DNHD1: variants seen among roughly 807,000 people sequenced by gnomAD.
DNHD1 encodes the protein dynein heavy chain domain-containing protein 1.
DNHD1 carries 383 observed loss-of-function variants against 458.1 expected under a neutral mutation model. That is an observed-to-expected ratio of 0.84 (90% CI 0.77 to 0.91). The LOEUF (loss-of-function observed/expected upper bound fraction) is 0.91, where lower values mean the gene tolerates loss of function less well. Ranked by LOEUF, DNHD1 falls within the 40% of genes least tolerant of loss-of-function variation. The pLI is 0.00. For synonymous variants in DNHD1, 2,203 were observed against 2,376.9 expected (o/e 0.93, Z 2.13); for missense variants, 5,336 against 5,866.1 (o/e 0.91, Z 2.95).
intron 4 of DNHD1, among the ~76,000 whole-genome samples, chr11:6,507,426 A>C (rs1176982348): frequency 6.6e-6 from 1 of 152,246 alleles, no homozygotes; most frequent in African/African-American, 2.4e-5. Context: ...CAGTTAGCAT[A>C]ATGCTATGTT....
At chr11:6,540,365 A>G (rs1853073470) in intron 18 of DNHD1, among the ~76,000 whole-genome samples, 1 of 151,988 alleles carries the variant, frequency 6.6e-6, no homozygotes, top group Non-Finnish European at 1.5e-5. Flanking sequence ...CCTCATAGTC[A>G]GTTATCTACA....
At chr11:6,520,184 T>G (rs1852577271) in intron 9 of DNHD1, 54 bp from the exon 10 acceptor site, 2 of 1,601,316 alleles carry the variant, frequency 1.2e-6, no homozygotes, top group Non-Finnish European at 1.7e-6. Flanking sequence ...CAACCTGGTT[T>G]GAATCCCTCA....
chr11:6,510,153 G>A (rs1474277137), intron 6 of DNHD1, among the ~76,000 whole-genome samples: 1 of 151,456 alleles, frequency 6.6e-6, no homozygotes, highest in Non-Finnish European at 1.5e-5. Context: ...GCGCGATTTC[G>A]GCTCACTGCA....
rs770274244 is a variant in DNHD1 at position 6,519,960 on chromosome 11, T to C, written c.1648-5T>C. ...CTCGACCTTTCCTGACCCTTTTTTT[T>C]ACAGGCCCCAAGGCAGAAACCCTTT... is the stretch of plus-strand genomic sequence containing the variant. On this transcript the variant is annotated splice_polypyrimidine_tract_variant and splice_region_variant and intron_variant, in intron 8 of 42. Coordinates refer to ENST00000254579, the MANE Select transcript of DNHD1 (RefSeq NM_144666.3). 1.5e-5 allele frequency: 25 copies of C among 1,614,140 alleles called. No homozygotes were observed. The highest frequency in any genetic ancestry group is 2.2e-5 in the East Asian group (1 of 44,892).
chr11:6,568,465 C>T lies in DNHD1; in HGVS notation c.12550C>T (p.Leu4184=). Residue 4184 remains leucine (L), a synonymous_variant, in exon 38 of 43, where the codon CTG becomes TTG. Transcript: ENST00000254579. The part of the protein sequence containing the change: ...LLGRAKVVAD[L]ESEQLLDQPE... ...TTGTCTGACTCTAGTGGTTGCAGAC[C>T]TGGAATCAGAACAGCTTTTAGACCA... 6.2e-7 allele frequency: 1 copy of T among 1,613,602 alleles called. No individual in the cohort carries two copies. The highest frequency in any genetic ancestry group is 8.5e-7 in the Non-Finnish European group (1 of 1,179,880).
At chr11:6,500,679 T>C (rs984165758) in intron 3 of DNHD1, among the ~76,000 whole-genome samples, 1 of 152,222 alleles carries the variant, frequency 6.6e-6, no homozygotes, top group Admixed American at 6.5e-5. Context: ...CTCTGAGGTC[T>C]AGCTAATATG....
intron 3 of DNHD1, among the ~76,000 whole-genome samples, chr11:6,501,389 A>G (rs1108588): frequency 0.032 from 4,872 of 151,944 alleles, 267 homozygotes; most frequent in African/African-American, 0.11. Flanking sequence ...CGTAGACTAA[A>G]TGAATAAATA....
Position 6,498,602 on chromosome 11 carries a change from CAT to C in DNHD1, c.388_389del (p.Ile130CysfsTer18). On this transcript the variant is annotated frameshift_variant, in exon 3 of 43. Coordinates refer to ENST00000254579, the MANE Select transcript of DNHD1 (RefSeq NM_144666.3). LOFTEE classifies it high-confidence loss of function. ...THLHLDLLGAIVQAFPPDSSL... is the reference protein window; with the variant it reads ...THLHLDLLGAXVQAFPPDSSL... ...ACCTCCATCTGGACCTGCTAGGTGC[CAT>C]TGTCCAGGCCTTTCCTCCAGACAGC... 1.2e-6 allele frequency: 2 copies of C among 1,614,222 alleles called. No homozygotes were observed. Among genetic ancestry groups the C allele is most frequent in the Non-Finnish European group, 1.7e-6 (2 of 1,180,038 alleles).
intron 14 of DNHD1, among the ~76,000 whole-genome samples, chr11:6,535,086 A>T (rs190578800): frequency 1.3e-5 from 2 of 152,130 alleles, no homozygotes; most frequent in African/African-American, 4.8e-5. Context: ...GATTTACTGA[A>T]TCTCTCTCAC....
intron 6 of DNHD1, among the ~76,000 whole-genome samples, chr11:6,509,864 G>C (rs996714525): frequency 6.6e-6 from 1 of 152,182 alleles, no homozygotes; most frequent in African/African-American, 2.4e-5. Flanking sequence ...GAATGCAGTG[G>C]TTTAGGTGGA....
Position 6,570,043 on chromosome 11 carries a change from C to A in DNHD1, c.12898C>A (p.Gln4300Lys). The change falls in exon 40 of 43, where the codon CAA becomes AAA. Residue 4300 changes from glutamine (Q) to lysine (K), a missense_variant. This residue lies in a region of DNHD1 where 698 missense variants were observed against 664.9 expected (regional missense o/e 1.05). Coordinates refer to ENST00000254579, the MANE Select transcript of DNHD1 (RefSeq NM_144666.3). Reference sequence around the variant, plus strand: ...GACTCTAACCCAGGTTCTTCAGACCCAAGACCAGCTGTGGGCAAGTCTTAG... The same window carrying A: ...GACTCTAACCCAGGTTCTTCAGACCAAAGACCAGCTGTGGGCAAGTCTTAG... The part of the protein sequence containing the change: ...QVTLTQVLQT[Q>K]DQLWASLSNP... 1 of 1,613,898 alleles carries A rather than the reference C, an allele frequency of 6.2e-7. No homozygotes were observed. The highest frequency in any genetic ancestry group is 8.5e-7 in the Non-Finnish European group (1 of 1,179,846).
intron 14 of DNHD1, among the ~76,000 whole-genome samples, chr11:6,534,625 T>C (rs1852903712): frequency 6.6e-6 from 1 of 152,172 alleles, no homozygotes; most frequent in African/African-American, 2.4e-5. Context: ...ACTGAGGGCC[T>C]CACTAATACA....
rs1166085435 is a variant in DNHD1 at position 6,544,857 on chromosome 11, C to T, written c.3918C>T (p.Pro1306=). ...RTLMRISVAD[P]MVLSLVVPSA... is the part of the protein sequence containing the mutation. The stretch of plus-strand genomic sequence containing the variant: ...TGATGCGCATCTCTGTAGCTGACCC[C>T]ATGGTTCTGTCACTTGTAGTGCCCA... The change falls in exon 21 of 43, where the codon CCC becomes CCT. Residue 1306 remains proline, a synonymous_variant. Coordinates refer to ENST00000254579, the MANE Select transcript of DNHD1 (RefSeq NM_144666.3). 3.2e-6 allele frequency: 5 copies of T among 1,551,694 alleles called. No individual in the cohort carries two copies. In the South Asian group the frequency reaches 5.9e-5, roughly 18 times the overall value.
At position 6,557,021 on chromosome 11, in the gene DNHD1, AAT is replaced by A; in HGVS notation, c.7727_7728del (p.Asn2576MetfsTer74). 6.4e-7 allele frequency: 1 copy of A among 1,551,398 alleles called. No homozygotes were observed. Among genetic ancestry groups the A allele is most frequent in the Non-Finnish European group, 8.7e-7 (1 of 1,146,912 alleles). ...ASVEAWEAVC[N>X]CFMPSPLHPH... ...AGTAGAGGCCTGGGAGGCTGTGTGCAATTGCTTCATGCCTTCACCCCTCCACC... is the reference window on the plus strand; with the variant it reads ...AGTAGAGGCCTGGGAGGCTGTGTGCATGCTTCATGCCTTCACCCCTCCACC... On this transcript the variant is annotated frameshift_variant, in exon 25 of 43. Transcript: ENST00000254579. LOFTEE classifies it high-confidence loss of function.
intron 12 of DNHD1, among the ~76,000 whole-genome samples, chr11:6,529,333 C>T (rs1044742108): frequency 1.2e-4 from 18 of 152,216 alleles, no homozygotes; most frequent in Admixed American, 2.0e-4. Flanking sequence ...TGGCTCTGCT[C>T]ATACCCTGTA....
chr11:6,543,264 A>G (rs988388916), intron 18 of DNHD1, among the ~76,000 whole-genome samples: 1 of 152,098 alleles, frequency 6.6e-6, no homozygotes, highest in Non-Finnish European at 1.5e-5. Context: ...TTTTACCCCA[A>G]TTAGTGTCCC....
chr11:6,520,987 A>T, intron 10 of DNHD1: 6 of 500,160 alleles, frequency 1.2e-5, no homozygotes, highest in Non-Finnish European at 1.6e-5. Context: ...AGGTTCACTG[A>T]AAGGAACCTG....
In DNHD1 at chr11:6,544,505, G is replaced by GGGT; in HGVS notation, c.3755-66_3755-64dup. On this transcript the variant is annotated intron_variant, in intron 19 of 42. Coordinates refer to ENST00000254579, the MANE Select transcript of DNHD1 (RefSeq NM_144666.3). ...TGGGGTACCTGAGAGGTCAGGAGCAGGGTGGACTCCCCTGCAGAAGGTAGA... is the reference window on the plus strand; with the variant it reads ...TGGGGTACCTGAGAGGTCAGGAGCAGGGTGGTGGACTCCCCTGCAGAAGGTAGA... 3.8e-6 allele frequency: 5 copies of GGGT among 1,314,614 alleles called. No homozygotes were observed. The South Asian group carries it at 6.5e-5, about 17-fold the overall frequency. 81.4% of individuals were successfully genotyped at this position (1,314,614 alleles called of 1,614,324 possible). A position where few individuals can be genotyped will look rare whatever the true frequency, so the allele number is the denominator to read the frequency against.
intron 28 of DNHD1, among the ~76,000 whole-genome samples, chr11:6,559,655 A>G (rs1290075217): frequency 6.6e-6 from 1 of 152,208 alleles, no homozygotes; most frequent in East Asian, 1.9e-4. Flanking sequence ...CTTTTTCCAT[A>G]ACACTTTGTC....
Sources: gnomAD v4.1 joint callset for allele counts (sites outside exome capture counted in the v4.1 genomes callset) on GRCh38, gnomAD v4.1.1 for gene constraint, gnomAD v4.1.1 regional missense constraint, MANE v1.5 for transcripts, NCBI Gene and HGNC (gene_info 2026-07-23, HGNC 2026-07-21) for gene names.